Variants in TRIM71 observed in about 807,000 individuals in gnomAD.
The protein encoded by TRIM71 is E3 ubiquitin-protein ligase TRIM71.
Under a neutral mutation model 61.2 loss-of-function variants are expected in TRIM71, and 9 were observed. The ratio of observed to expected loss-of-function variants is 0.15; its 90% CI spans 0.09 to 0.26. The LOEUF (loss-of-function observed/expected upper bound fraction) is 0.26. Among genes scored for constraint, TRIM71 ranks in the 10% least tolerant of loss-of-function variants. The pLI is 1.00. For missense variants in TRIM71, 998 were observed against 1,238.7 expected (o/e 0.81, Z 2.92); for synonymous variants, 645 against 553.2 (o/e 1.17, Z -2.33).
At chr3:32,868,327 C>T (rs1180820866) in intron 1 of TRIM71, among the ~76,000 whole-genome samples, 2 of 152,126 alleles carry the variant, frequency 1.3e-5, no homozygotes, top group Admixed American at 6.5e-5. Context: ...AAGTAGGTTT[C>T]CCCCAATAAC....
chr3:32,874,957 G>T (rs979465777), intron 2 of TRIM71, among the ~76,000 whole-genome samples: 1 of 152,012 alleles, frequency 6.6e-6, no homozygotes, highest in Non-Finnish European at 1.5e-5. Flanking sequence ...AGTAGCTGGG[G>T]TTACAGGCGC....
At position 32,818,584 on chromosome 3, in the gene TRIM71, G is replaced by C. The variant is rs1696089061; in HGVS notation, c.504G>C (p.Pro168=). 7.7e-7 allele frequency: 1 copy of C among 1,299,732 alleles called. No homozygotes were observed. Among genetic ancestry groups the C allele is most frequent in the African/African-American group, 1.6e-5 (1 of 64,374 alleles). The allele number at this position is 1,299,732 out of a possible 1,614,324, so 80.5% of individuals were successfully genotyped here. A position where few individuals can be genotyped will look rare whatever the true frequency, so the allele number is the denominator to read the frequency against. Residue 168 remains proline (P), a synonymous_variant, in exon 1 of 4, where the codon CCG becomes CCC. Coordinates refer to ENST00000383763, the MANE Select transcript of TRIM71 (RefSeq NM_001039111.3). ...PRASASAPPL[P]QAPQPPAPSR... ...CGTCCGCCTCCGCGCCGCCACTCCC[G>C]CAGGCGCCGCAGCCGCCCGCGCCTT...
intron 3 of TRIM71, among the ~76,000 whole-genome samples, chr3:32,887,788 G>A (rs763300544): frequency 8.5e-5 from 13 of 152,066 alleles, no homozygotes; most frequent in Admixed American, 5.2e-4. Context: ...CTGTCCCCAC[G>A]TGGGCCTCTC....
intron 1 of TRIM71, among the ~76,000 whole-genome samples, chr3:32,863,637 T>A (rs1696698538): frequency 6.6e-6 from 1 of 152,202 alleles, no homozygotes; most frequent in South Asian, 2.1e-4. Context: ...TTCACCAGTC[T>A]TAGTGCCTTT....
chr3:32,829,626 T>TATTGTGTG (rs1553643445), intron 1 of TRIM71, among the ~76,000 whole-genome samples: 2 of 148,680 alleles, frequency 1.3e-5, no homozygotes, highest in South Asian at 4.3e-4. Flanking sequence ...TGTCATGGTA[T>TATTGTGTG]TGTGTGTGTG....
At chr3:32,841,971 C>G (rs147187769) in intron 1 of TRIM71, among the ~76,000 whole-genome samples, 1 of 152,136 alleles carries the variant, frequency 6.6e-6, no homozygotes, top group South Asian at 2.1e-4. Flanking sequence ...TTGGAACTCA[C>G]GCCATACACC....
rs924859692 is a variant in TRIM71 at position 32,891,628 on chromosome 3, C to A, written c.2424C>A (p.Ile808=). Residue 808 remains isoleucine, a synonymous_variant, in exon 4 of 4, where the codon ATC becomes ATA. Coordinates refer to ENST00000383763, the MANE Select transcript of TRIM71 (RefSeq NM_001039111.3). This position sits in a 1 kb window ranked among gnomAD's most constrained non-coding sequence, Gnocchi z 8.2. ...TAGCTGTGGACCAGGAAGGGCGCAT[C>A]ATTGTGGCGGATTCCAGGAACCATC... The part of the protein sequence containing the change: ...QGVAVDQEGR[I]IVADSRNHRV... 1.2e-6 allele frequency: 2 copies of A among 1,613,190 alleles called. No homozygotes were observed. Among genetic ancestry groups the A allele is most frequent in the East Asian group, 4.5e-5 (2 of 44,862 alleles).
intron 1 of TRIM71, among the ~76,000 whole-genome samples, chr3:32,846,224 T>C (rs998971254): frequency 2.0e-5 from 3 of 151,748 alleles, no homozygotes; most frequent in East Asian, 1.9e-4. Flanking sequence ...TACAGGCGCC[T>C]ACCACCATGC....
intron 1 of TRIM71, among the ~76,000 whole-genome samples, chr3:32,858,564 G>A (rs955065600): frequency 2.0e-5 from 3 of 152,176 alleles, no homozygotes; most frequent in African/African-American, 7.2e-5. Context: ...TTCTGGGAGA[G>A]CCGGGAGGCC....
chr3:32,855,747 A>G (rs1696594985), intron 1 of TRIM71, among the ~76,000 whole-genome samples: 1 of 152,256 alleles, frequency 6.6e-6, no homozygotes, highest in East Asian at 1.9e-4. Context: ...AGACCCCAGT[A>G]TAAGCTGACA....
Position 32,818,554 on chromosome 3 carries a change from G to C in TRIM71, c.474G>C (p.Pro158=). The change falls in exon 1 of 4, where the codon CCG becomes CCC. Residue 158 remains proline, a synonymous_variant. Transcript: ENST00000383763. The stretch of plus-strand genomic sequence containing the variant: ...GGCACCACGCTCACCACGCGCACCC[G>C]CGCGCGTCCGCCTCCGCGCCGCCAC... ...NHRHHAHHAH[P]RASASAPPLP... is the part of the protein sequence containing the mutation. 7.9e-7 allele frequency: 1 copy of C among 1,262,692 alleles called. No individual in the cohort carries two copies. Among genetic ancestry groups the C allele is most frequent in the Non-Finnish European group, 9.9e-7 (1 of 1,011,160 alleles). 78.2% of individuals were successfully genotyped at this position (1,262,692 alleles called of 1,614,324 possible).
chr3:32,836,416 A>G (rs141898496), intron 1 of TRIM71, among the ~76,000 whole-genome samples: 278 of 152,254 alleles, frequency 1.8e-3, no homozygotes, highest in African/African-American at 6.2e-3. Flanking sequence ...AAAAAATTCA[A>G]TTTGTAGGCA....
chr3:32,854,936 A>G (rs1013771443), intron 1 of TRIM71, among the ~76,000 whole-genome samples: 1 of 152,190 alleles, frequency 6.6e-6, no homozygotes, highest in Non-Finnish European at 1.5e-5. Flanking sequence ...ACAGTTGGAA[A>G]AGAGGTGAGT....
rs970383723 is a variant in TRIM71, at chr3:32,823,212, G to A, written c.852+4280G>A. 4.6e-5 allele frequency among the ~76,000 whole-genome samples: 7 copies of A among 152,224 alleles called. No individual in the cohort carries two copies. In the South Asian group the frequency reaches 8.3e-4, roughly 18 times the overall value. Reference sequence around the variant, plus strand: ...AAAAATATATGGGAGGGAAATGTTCGTTATTGATATGTTAATTGCTTAGCC... The same window carrying A: ...AAAAATATATGGGAGGGAAATGTTCATTATTGATATGTTAATTGCTTAGCC... On this transcript the variant is annotated intron_variant, in intron 1 of 3. Transcript: ENST00000383763.
In TRIM71 at chr3:32,894,405, A is replaced by G. The variant is rs1697058535; in HGVS notation, c.*2594A>G. ...TACTATGGATGTGATCGAAAAGCCA[A>G]GATTTTCGCTCCATGGCTGAAATTA... On this transcript the variant is annotated 3_prime_UTR_variant, in exon 4 of 4. Transcript: ENST00000383763. The G allele has an allele frequency of 6.6e-6, 1 of 152,212 alleles. No homozygotes were observed. The highest frequency in any genetic ancestry group is 2.4e-5 in the African/African-American group (1 of 41,436). 9.4% of individuals were successfully genotyped at this position (152,212 alleles called of 1,614,324 possible).
intron 1 of TRIM71, among the ~76,000 whole-genome samples, chr3:32,845,095 ATC>A (rs1361643059): frequency 8.5e-5 from 13 of 152,162 alleles, no homozygotes; most frequent in African/African-American, 2.4e-4. Context: ...TCTAGTTGGC[ATC>A]TCTCTCTAAA....
intron 1 of TRIM71, among the ~76,000 whole-genome samples, chr3:32,830,411 C>A (rs1439453592): frequency 6.6e-6 from 1 of 152,090 alleles, no homozygotes. Context: ...GATAATTTAG[C>A]AAGGGAGAAA....
At chr3:32,825,467 T>A (rs1045661306) in intron 1 of TRIM71, among the ~76,000 whole-genome samples, 2 of 152,074 alleles carry the variant, frequency 1.3e-5, no homozygotes, top group African/African-American at 4.8e-5. Flanking sequence ...CTCCATCCAG[T>A]TCTCTACACA....
intron 1 of TRIM71, among the ~76,000 whole-genome samples, chr3:32,853,468 T>G (rs1308098013): frequency 6.6e-6 from 1 of 152,184 alleles, no homozygotes; most frequent in East Asian, 1.9e-4. Context: ...TATTTAACCA[T>G]TATTAACTAG....
Sources: gnomAD v4.1 joint callset for allele counts (sites outside exome capture counted in the v4.1 genomes callset) on GRCh38, gnomAD v4.1.1 for gene constraint, Gnocchi (gnomAD v3.1) non-coding constraint, MANE v1.5 for transcripts, NCBI Gene and HGNC (gene_info 2026-07-23, HGNC 2026-07-21) for gene names.